Variants in PTPRK observed in about 807,000 individuals in gnomAD.
PTPRK encodes protein tyrosine phosphatase receptor type K.
Under a neutral mutation model 178.0 loss-of-function variants are expected in PTPRK, and 75 were observed. The observed-to-expected ratio is 0.42, with a 90% CI of 0.35 to 0.51. The LOEUF is 0.51. Among genes scored for constraint, PTPRK ranks in the 20% least tolerant of loss-of-function variants. The pLI is 0.02. For missense variants in PTPRK, 1,441 were observed against 1,797.8 expected (o/e 0.80, Z 3.59); for synonymous variants, 637 against 620.6 (o/e 1.03, Z -0.39).
intron 5 of PTPRK, among the ~76,000 whole-genome samples, chr6:128,239,398 G>T (rs1400969735): frequency 1.3e-5 from 2 of 152,078 alleles, no homozygotes; most frequent in Non-Finnish European, 2.9e-5. Flanking sequence ...TAAATTCTCT[G>T]AAGGCAAGGC....
chr6:128,261,365 A>T (rs1183637915), intron 3 of PTPRK, among the ~76,000 whole-genome samples: 1 of 152,300 alleles, frequency 6.6e-6, no homozygotes, highest in Admixed American at 6.5e-5. Flanking sequence ...AAAAACAGCA[A>T]ATTTTCCAAA....
At chr6:128,201,987 T>A (rs1051209278) in intron 6 of PTPRK, among the ~76,000 whole-genome samples, 1 of 152,120 alleles carries the variant, frequency 6.6e-6, no homozygotes, top group Non-Finnish European at 1.5e-5. Flanking sequence ...ACAATAATCT[T>A]ATTAGTTGGA....
At chr6:128,377,352 C>G (rs867979299) in intron 2 of PTPRK, among the ~76,000 whole-genome samples, 1 of 152,012 alleles carries the variant, frequency 6.6e-6, no homozygotes. Flanking sequence ...GAAACTCTCT[C>G]TTTTTTAAAA....
intron 1 of PTPRK, among the ~76,000 whole-genome samples, chr6:128,467,880 G>A (rs1349196035): frequency 1.4e-5 from 2 of 147,022 alleles, no homozygotes; most frequent in African/African-American, 5.0e-5. Flanking sequence ...CCTCTCATTG[G>A]CCATTAAATG....
At chr6:128,136,394 C>T (rs1265261035) in intron 7 of PTPRK, among the ~76,000 whole-genome samples, 1 of 152,078 alleles carries the variant, frequency 6.6e-6, no homozygotes, top group Non-Finnish European at 1.5e-5. Flanking sequence ...AACACACATC[C>T]CATCTAAATT....
chr6:128,061,013 T>C (rs548950312), intron 13 of PTPRK, among the ~76,000 whole-genome samples: 1 of 152,292 alleles, frequency 6.6e-6, no homozygotes, highest in Admixed American at 6.5e-5. Flanking sequence ...TCAACAAATA[T>C]TTATTGTATC....
At chr6:128,145,276 GTAATAA>G (rs144319768) in intron 7 of PTPRK, among the ~76,000 whole-genome samples, 2 of 151,242 alleles carry the variant, frequency 1.3e-5, no homozygotes, top group Non-Finnish European at 3.0e-5. Context: ...AGACACACAC[GTAATAA>G]TAATAATAAT....
chr6:128,433,231 GT>G (rs1325273257), intron 1 of PTPRK, among the ~76,000 whole-genome samples: 1 of 151,970 alleles, frequency 6.6e-6, no homozygotes, highest in Admixed American at 6.6e-5. Flanking sequence ...CTGTATGTTT[GT>G]ATCCATCAAC....
At chr6:128,300,491 G>A (rs1208029471) in intron 3 of PTPRK, among the ~76,000 whole-genome samples, 2 of 151,888 alleles carry the variant, frequency 1.3e-5, no homozygotes, top group Non-Finnish European at 2.9e-5. Flanking sequence ...AACAATGATA[G>A]ACTGGATTAA....
At chr6:128,199,559 T>C (rs1484887765) in intron 6 of PTPRK, among the ~76,000 whole-genome samples, 1 of 116,414 alleles carries the variant, frequency 8.6e-6, no homozygotes. Flanking sequence ...ATGCCTACAA[T>C]ATATCAAGGA....
At chr6:128,235,590 TCA>T (rs1474462209) in intron 5 of PTPRK, 1 of 509,118 alleles carries the variant, frequency 2.0e-6, no homozygotes. Flanking sequence ...CTTCTGTCAA[TCA>T]CAGTCTGAAA....
intron 13 of PTPRK, among the ~76,000 whole-genome samples, chr6:128,042,153 C>T (rs6928512): frequency 0.22 from 33,282 of 151,886 alleles, 4,737 homozygotes; most frequent in African/African-American, 0.4. Context: ...ACCTAGGCCG[C>T]GTATCATATG....
intron 5 of PTPRK, among the ~76,000 whole-genome samples, chr6:128,239,476 C>T (rs1813980174): frequency 6.6e-6 from 1 of 151,980 alleles, no homozygotes; most frequent in African/African-American, 2.4e-5. Flanking sequence ...TTTACAGTTC[C>T]CCAACATGTA....
chr6:128,439,741 C>T (rs1272128173), intron 1 of PTPRK, among the ~76,000 whole-genome samples: 1 of 152,154 alleles, frequency 6.6e-6, no homozygotes, highest in African/African-American at 2.4e-5. Flanking sequence ...AATAGATAGA[C>T]TTCTAAACAT....
intron 1 of PTPRK, among the ~76,000 whole-genome samples, chr6:128,470,399 A>C (rs77305363): frequency 9.1e-6 from 1 of 110,164 alleles, no homozygotes; most frequent in African/African-American, 3.1e-5. Context: ...TTAACCTCTA[A>C]TGCGTTTTTT....
At chr6:128,333,472 T>C (rs1292939880) in intron 2 of PTPRK, among the ~76,000 whole-genome samples, 1 of 152,096 alleles carries the variant, frequency 6.6e-6, no homozygotes, top group Non-Finnish European at 1.5e-5. Context: ...AAGTGTGCAA[T>C]AGCATCATGT....
At chr6:128,249,298 TAA>T (rs10622564) in intron 3 of PTPRK, among the ~76,000 whole-genome samples, 6 of 132,808 alleles carry the variant, frequency 4.5e-5, no homozygotes, top group Non-Finnish European at 3.3e-5. Flanking sequence ...TGGTGTGATT[TAA>T]AAAAAAAAAA....
intron 3 of PTPRK, among the ~76,000 whole-genome samples, chr6:128,306,251 G>T (rs551313529): frequency 9.2e-5 from 14 of 152,296 alleles, no homozygotes; most frequent in Non-Finnish European, 1.5e-4. Context: ...ATTCAAGAAG[G>T]TTATAGCTCA....
chr6:128,255,412 G>T (rs550615598), intron 3 of PTPRK, among the ~76,000 whole-genome samples: 20 of 152,304 alleles, frequency 1.3e-4, no homozygotes, highest in Middle Eastern at 3.4e-3. Context: ...AGTCATAAGT[G>T]AGGGAAAGCA....
Sources: gnomAD v4.1 joint callset for allele counts (sites outside exome capture counted in the v4.1 genomes callset) on GRCh38, gnomAD v4.1.1 for gene constraint, MANE v1.5 for transcripts, NCBI Gene and HGNC (gene_info 2026-07-23, HGNC 2026-07-21) for gene names.